Variants in ITPKB observed in about 807,000 individuals in gnomAD.
ITPKB encodes the protein inositol-trisphosphate 3-kinase B.
A neutral mutation model predicts 69.4 loss-of-function variants in ITPKB; 13 were observed. The observed-to-expected ratio is 0.19, with a 90% confidence interval of 0.12 to 0.30. The LOEUF (loss-of-function observed/expected upper bound fraction) is 0.30, where lower values mean the gene tolerates loss of function less well. Among genes scored for constraint, ITPKB ranks in the 10% least tolerant of loss-of-function variants. The pLI is 1.00. For synonymous variants in ITPKB, 584 were observed against 513.7 expected (o/e 1.14, Z -1.85); for missense variants, 1,240 against 1,250.5 (o/e 0.99, Z 0.13).
intron 2 of ITPKB, among the ~76,000 whole-genome samples, chr1:226,705,819 C>A (rs1256711257): frequency 6.6e-6 from 1 of 152,210 alleles, no homozygotes; most frequent in Non-Finnish European, 1.5e-5. Context: ...CGAATCATTT[C>A]TTAGGACTCC....
chr1:226,679,459 G>A (rs925140102), intron 2 of ITPKB, among the ~76,000 whole-genome samples: 14 of 152,178 alleles, frequency 9.2e-5, no homozygotes, highest in Non-Finnish European at 1.8e-4. Context: ...TCTCAGTCCA[G>A]AAAGTGGAAA....
chr1:226,677,649 G>C (rs1655931179), intron 2 of ITPKB, among the ~76,000 whole-genome samples: 1 of 152,252 alleles, frequency 6.6e-6, no homozygotes, highest in African/African-American at 2.4e-5. Flanking sequence ...GGCTGTGCCA[G>C]AGGCTGCAAG....
chr1:226,713,716 T>C (rs1362718291), intron 2 of ITPKB, among the ~76,000 whole-genome samples: 1 of 152,236 alleles, frequency 6.6e-6, no homozygotes, highest in Non-Finnish European at 1.5e-5. Context: ...ACCCTCCTGC[T>C]GCTTGACACT....
chr1:226,737,467 G>C lies in ITPKB; in HGVS notation c.-9C>G, dbSNP rs543925346. ...TAGCAGTACACAGCCATAGTACTGG[G>C]TCCCGCGCTGCCCGCCGCCGCGGCT... On this transcript the variant is annotated 5_prime_UTR_variant, in exon 2 of 8. Transcript: ENST00000429204. 12 of 1,554,936 alleles carry C rather than the reference G, an allele frequency of 7.7e-6. No homozygotes were observed. In the South Asian group the frequency reaches 1.2e-4, roughly 15 times the overall value.
chr1:226,661,491 C>T (rs534226542), intron 2 of ITPKB, among the ~76,000 whole-genome samples: 3 of 152,346 alleles, frequency 2.0e-5, no homozygotes, highest in African/African-American at 7.2e-5. Context: ...CTCTTCATCA[C>T]TCTGCTGGGC....
intron 3 of ITPKB, 35 bp from the exon 4 acceptor site, chr1:226,647,415 G>A (rs1282629473): frequency 6.6e-7 from 1 of 1,517,130 alleles, no homozygotes; most frequent in Admixed American, 1.8e-5. Flanking sequence ...CTGGTCTCCG[G>A]CTGCAGGTAG....
At chr1:226,671,061 C>T (rs1478822854) in intron 2 of ITPKB, among the ~76,000 whole-genome samples, 4 of 152,208 alleles carry the variant, frequency 2.6e-5, no homozygotes, top group Non-Finnish European at 5.9e-5. Context: ...TCCAAAATGT[C>T]CCTTCAGCTA....
In ITPKB at chr1:226,684,913, C is replaced by T. The variant is rs552229396; in HGVS notation, c.1933-36142G>A. Among the ~76,000 whole-genome samples, 109 of 152,316 alleles carry T rather than the reference C, an allele frequency of 7.2e-4. 2 individuals are homozygous for T. The South Asian group carries it at 0.022, about 31-fold the overall frequency. On this transcript the variant is annotated intron_variant, in intron 2 of 7. Coordinates refer to ENST00000429204, the MANE Select transcript of ITPKB (RefSeq NM_002221.4). ...CCCCTGCCTGCCTCCAGCGCTCCAC[C>T]GTTCACACCCCTGGGTCAACATTCC...
chr1:226,736,325 G>T lies in ITPKB; in HGVS notation c.1134C>A (p.Pro378=). 1 of 1,612,030 alleles carries T rather than the reference G, an allele frequency of 6.2e-7. No individual in the cohort carries two copies. Among genetic ancestry groups the T allele is most frequent in the Non-Finnish European group, 8.5e-7 (1 of 1,179,380 alleles). Reference sequence around the variant, plus strand: ...GCTCCCCAGAGCCCGGCATGCCACAGGGCAGATATCCTTTCCCCATCTTCC... The same window carrying T: ...GCTCCCCAGAGCCCGGCATGCCACATGGCAGATATCCTTTCCCCATCTTCC... ...PPGKMGKGYL[P]CGMPGSGEPE... Residue 378 remains proline, a synonymous_variant, in exon 2 of 8, where the codon CCC becomes CCA. Coordinates refer to ENST00000429204, the MANE Select transcript of ITPKB (RefSeq NM_002221.4).
chr1:226,653,046 C>T (rs747377105), intron 2 of ITPKB, among the ~76,000 whole-genome samples: 3 of 152,158 alleles, frequency 2.0e-5, no homozygotes, highest in African/African-American at 4.8e-5. Context: ...TACCATGGCA[C>T]GGTGTGTACA....
intron 2 of ITPKB, among the ~76,000 whole-genome samples, chr1:226,663,281 C>A (rs1459906586): frequency 6.6e-6 from 1 of 152,172 alleles, no homozygotes; most frequent in Non-Finnish European, 1.5e-5. Flanking sequence ...CCCAGAAAGG[C>A]AGGCACCAGT....
intron 2 of ITPKB, among the ~76,000 whole-genome samples, chr1:226,664,501 GAGA>G (rs1295605416): frequency 1.3e-5 from 2 of 152,344 alleles, no homozygotes; most frequent in African/African-American, 4.8e-5. Context: ...CTGTCCCAGG[GAGA>G]AGGACTCCAG....
chr1:226,662,239 C>T (rs2102758204), intron 2 of ITPKB, among the ~76,000 whole-genome samples: 1 of 152,336 alleles, frequency 6.6e-6, no homozygotes, highest in East Asian at 1.9e-4. Flanking sequence ...TGGAAACAGA[C>T]TTCTTCATCC....
Position 226,737,537 on chromosome 1 carries a change from CG to C in ITPKB, c.-80del. 1 of 1,319,758 alleles carries C rather than the reference CG, an allele frequency of 7.6e-7. No homozygotes were observed. The highest frequency in any genetic ancestry group is 9.6e-7 in the Non-Finnish European group (1 of 1,039,718). 81.8% of individuals were successfully genotyped at this position (1,319,758 alleles called of 1,614,324 possible). ...CGGCGCCTCCTCCTCCCGGCGCTCC[CG>C]GCTCAGCCCCGGAGGCCCGGCAGCC... On this transcript the variant is annotated 5_prime_UTR_variant, in exon 2 of 8. Coordinates refer to ENST00000429204, the MANE Select transcript of ITPKB (RefSeq NM_002221.4).
Position 226,737,475 on chromosome 1 carries a change from C to A in ITPKB, c.-17G>T, listed in dbSNP as rs556247229. ...CACAGCCATAGTACTGGGTCCCGCG[C>A]TGCCCGCCGCCGCGGCTCCCGCTCC... On this transcript the variant is annotated 5_prime_UTR_variant, in exon 2 of 8. Coordinates refer to ENST00000429204, the MANE Select transcript of ITPKB (RefSeq NM_002221.4). 2.6e-6 allele frequency: 4 copies of A among 1,543,114 alleles called. No individual in the cohort carries two copies. Among genetic ancestry groups the A allele is most frequent in the Middle Eastern group, 2.0e-4 (1 of 4,902 alleles).
Position 226,735,529 on chromosome 1 carries a change from C to T in ITPKB, c.1930G>A (p.Val644Met). Residue 644 changes from valine to methionine, a missense_variant and splice_region_variant, in exon 2 of 8, where the codon GTG (valine) becomes ATG (methionine). Transcript: ENST00000429204. ...GCAAATCTCAGAGCAAGACTTACCA[C>T]TCTAGGTTTCTGCTGGTCCAGGGTA... ...LHTLDQQKPR[V>M]SKSWRKIKNM... The T allele has an allele frequency of 1.3e-6, 2 of 1,511,930 alleles. No individual in the cohort carries two copies. The highest frequency in any genetic ancestry group is 1.8e-6 in the Non-Finnish European group (2 of 1,128,776). The allele number at this position is 1,511,930 out of a possible 1,614,324, so 93.7% of individuals were successfully genotyped here. A position where few individuals can be genotyped will look rare whatever the true frequency, so the allele number is the denominator to read the frequency against.
chr1:226,668,315 C>T lies in ITPKB; in HGVS notation c.1933-19544G>A, dbSNP rs369816937. Among the ~76,000 whole-genome samples, 12 of 152,308 alleles carry T rather than the reference C, an allele frequency of 7.9e-5. No homozygotes were observed. The South Asian group carries it at 8.3e-4, about 11-fold the overall frequency. ...AGTTGCAAAGCCAGCCCCTGACACCCGTGGACTCAGCTACCCATGTTTCAA... is the reference window on the plus strand; with the variant it reads ...AGTTGCAAAGCCAGCCCCTGACACCTGTGGACTCAGCTACCCATGTTTCAA... On this transcript the variant is annotated intron_variant, in intron 2 of 7. Coordinates refer to ENST00000429204, the MANE Select transcript of ITPKB (RefSeq NM_002221.4).
At chr1:226,711,442 A>AGAGAGAGAGAGAGAGAGTGT (rs1491474441) in intron 2 of ITPKB, among the ~76,000 whole-genome samples, 7 of 102,290 alleles carry the variant, frequency 6.8e-5, no homozygotes, top group African/African-American at 1.6e-4. Flanking sequence ...AGAGAGAGAG[A>AGAGAGAGAGAGAGAGAGTGT]GTGTGTGTGT....
chr1:226,659,886 C>T (rs776212640), intron 2 of ITPKB, among the ~76,000 whole-genome samples: 8 of 152,202 alleles, frequency 5.3e-5, no homozygotes, highest in Non-Finnish European at 8.8e-5. Context: ...TCCAATACTC[C>T]CGGCATCTGG....
Sources: allele counts gnomAD v4.1 joint callset (sites outside exome capture counted in the v4.1 genomes callset), GRCh38; gene constraint gnomAD v4.1.1; transcripts MANE v1.5; gene names NCBI Gene and HGNC (gene_info 2026-07-23, HGNC 2026-07-21).